PPP2R3C: variants seen among roughly 807,000 people sequenced by gnomAD.
PPP2R3C encodes protein phosphatase 2 regulatory subunit B''gamma.
In PPP2R3C, 47 loss-of-function variants were observed where a neutral mutation model predicts 63.7. The ratio of observed to expected loss-of-function variants is 0.74; its 90% CI spans 0.58 to 0.94. The LOEUF is 0.94. PPP2R3C is among the 40% of genes least tolerant of loss of function. PPP2R3C has a pLI of 0.00. For synonymous variants in PPP2R3C, 180 were observed against 177.4 expected (o/e 1.01, Z -0.12); for missense variants, 421 against 518.4 (o/e 0.81, Z 1.82).
intron 6 of PPP2R3C, among the ~76,000 whole-genome samples, chr14:35,104,554 A>G (rs1275130369): frequency 2.0e-5 from 3 of 152,164 alleles, no homozygotes; most frequent in African/African-American, 7.2e-5. Flanking sequence ...AAGTAAGTCC[A>G]TATAATTTAG....
At chr14:35,108,391 C>CTTT (rs10656897) in intron 4 of PPP2R3C, among the ~76,000 whole-genome samples, 155 bp from the exon 5 acceptor site, 15,538 of 145,880 alleles carry the variant, frequency 0.11, 1,007 homozygotes, top group African/African-American at 0.19. Flanking sequence ...TTAAGTCAAA[C>CTTT]TTTTTTTTTT....
intron 6 of PPP2R3C, among the ~76,000 whole-genome samples, chr14:35,105,228 G>A (rs1221428455): frequency 1.3e-5 from 2 of 151,616 alleles, no homozygotes; most frequent in Non-Finnish European, 2.9e-5. Context: ...TGTCACCCAG[G>A]CTGGAGTGCA....
intron 6 of PPP2R3C, among the ~76,000 whole-genome samples, chr14:35,105,149 A>G (rs182379264): frequency 6.6e-6 from 1 of 151,910 alleles, no homozygotes; most frequent in Admixed American, 6.6e-5. Context: ...GTGATTTTTA[A>G]ATGTTAAAAT....
At chr14:35,086,004 T>C in intron 12 of PPP2R3C, 1 of 477,894 alleles carries the variant, frequency 2.1e-6, no homozygotes, top group East Asian at 3.6e-5. Context: ...GATAACTCCT[T>C]AGCTATGTGA....
chr14:35,102,029 CT>C (rs11307450), intron 6 of PPP2R3C: 28,143 of 95,008 alleles, frequency 0.3, 2,076 homozygotes, highest in East Asian at 0.51. Context: ...TTCTCTCTCT[CT>C]TTTTTTTTTT....
At chr14:35,121,019 A>C (rs1245630309) in intron 1 of PPP2R3C, among the ~76,000 whole-genome samples, 3 of 152,062 alleles carry the variant, frequency 2.0e-5, no homozygotes, top group Non-Finnish European at 4.4e-5. Flanking sequence ...AGGAGAATGA[A>C]CGTCCAGGAA....
intron 1 of PPP2R3C, among the ~76,000 whole-genome samples, chr14:35,119,891 C>T (rs1477936687): frequency 7.0e-6 from 1 of 142,718 alleles, no homozygotes; most frequent in African/African-American, 2.7e-5. Context: ...CGCTCTGTCG[C>T]CCAGGCTGGA....
chr14:35,090,934 C>T, intron 11 of PPP2R3C, 136 bp downstream of exon 11: 1 of 690,802 alleles, frequency 1.4e-6, no homozygotes, highest in Non-Finnish European at 2.3e-6. Flanking sequence ...CCAGGATGGT[C>T]TCTATCTCCT....
intron 7 of PPP2R3C, among the ~76,000 whole-genome samples, chr14:35,098,346 GTTTTTTTTTT>G (rs376634061): frequency 1.1e-5 from 1 of 94,040 alleles, no homozygotes; most frequent in Non-Finnish European, 2.0e-5. Context: ...CGCCTGGCTA[GTTTTTTTTTT>G]TTTTTTTTTT....
intron 7 of PPP2R3C, among the ~76,000 whole-genome samples, chr14:35,097,505 A>T (rs2046037591): frequency 6.9e-6 from 1 of 145,738 alleles, no homozygotes. Flanking sequence ...TTTTTGAGAC[A>T]GAGTTTCGCT....
At chr14:35,105,354 T>G (rs1472941102) in intron 6 of PPP2R3C, among the ~76,000 whole-genome samples, 2 of 152,048 alleles carry the variant, frequency 1.3e-5, no homozygotes, top group Admixed American at 6.6e-5. Context: ...GGCTAATTTT[T>G]GTATTTTTAG....
chr14:35,119,849 C>CTTTTTTTT (rs71121267), intron 1 of PPP2R3C, among the ~76,000 whole-genome samples: 9 of 117,014 alleles, frequency 7.7e-5, no homozygotes, highest in East Asian at 2.5e-4. Flanking sequence ...GACAGTTCAT[C>CTTTTTTTT]TTTTTTTTTT....
chr14:35,090,477 G>A (rs2045770908), intron 11 of PPP2R3C, among the ~76,000 whole-genome samples: 1 of 151,856 alleles, frequency 6.6e-6, no homozygotes, highest in South Asian at 2.1e-4. Flanking sequence ...TGCCACTGCA[G>A]CCTGGGCGAC....
At chr14:35,095,309 G>A in intron 9 of PPP2R3C, 125 bp from the exon 10 acceptor site, 6 of 942,274 alleles carry the variant, frequency 6.4e-6, no homozygotes, top group Non-Finnish European at 9.4e-6. Flanking sequence ...TATGATTAGG[G>A]TAGTGGCCTA....
chr14:35,116,560 T>C, intron 2 of PPP2R3C, 50 bp downstream of exon 2: 2 of 1,439,546 alleles, frequency 1.4e-6, no homozygotes, highest in South Asian at 1.4e-5. Flanking sequence ...TTGCCAAAAA[T>C]TATATTTCAT....
Position 35,095,216 on chromosome 14 carries a change from A to C in PPP2R3C, c.839-32T>G, listed in dbSNP as rs756633752. The C allele has an allele frequency of 5.0e-6, 8 of 1,585,912 alleles. No individual in the cohort carries two copies. In the East Asian group the frequency reaches 1.1e-4, roughly 22 times the overall value. On this transcript the variant is annotated intron_variant, in intron 9 of 12. Coordinates refer to ENST00000261475, the MANE Select transcript of PPP2R3C (RefSeq NM_017917.4). Reference sequence around the variant, plus strand: ...AAGAAAAATAATAAAGACACTTATGACCACAATAAAATTTTAATCAGAAGA... The same window carrying C: ...AAGAAAAATAATAAAGACACTTATGCCCACAATAAAATTTTAATCAGAAGA...
At chr14:35,116,082 T>C (rs1463904403) in intron 2 of PPP2R3C, among the ~76,000 whole-genome samples, 1 of 152,178 alleles carries the variant, frequency 6.6e-6, no homozygotes. Context: ...GCCCACAGTT[T>C]AACAACTTTG....
chr14:35,102,052 G>A (rs1433333148), intron 6 of PPP2R3C: 5 of 142,800 alleles, frequency 3.5e-5, no homozygotes, highest in Non-Finnish European at 6.0e-5. Flanking sequence ...TTTTTGAGAC[G>A]GAGTCTCAGT....
intron 1 of PPP2R3C, 48 bp downstream of exon 1, chr14:35,121,851 TAGG>T (rs781280840): frequency 2.5e-6 from 4 of 1,595,122 alleles, no homozygotes; most frequent in African/African-American, 1.3e-5. Context: ...CCCCTACCTC[TAGG>T]AGTTTAGGGC....
Sources: gnomAD v4.1 joint callset for allele counts (sites outside exome capture counted in the v4.1 genomes callset) on GRCh38, gnomAD v4.1.1 for gene constraint, MANE v1.5 for transcripts, NCBI Gene and HGNC (gene_info 2026-07-23, HGNC 2026-07-21) for gene names.